SLCO2A1: variants seen among roughly 807,000 people sequenced by gnomAD.
SLCO2A1 encodes the protein matrin F/G 1.
A neutral mutation model predicts 71.7 loss-of-function variants in SLCO2A1; 60 were observed. The ratio of observed to expected loss-of-function variants is 0.84; its 90% CI spans 0.68 to 1.04. SLCO2A1 has a LOEUF of 1.04. Among genes scored for constraint, SLCO2A1 ranks in the 50% least tolerant of loss-of-function variants. The probability of loss-of-function intolerance (pLI) is 0.00; values close to 1 mark genes in which losing one functional copy is unlikely to be tolerated. For missense variants in SLCO2A1, 745 were observed against 813.4 expected (o/e 0.92, Z 1.02); for synonymous variants, 308 against 326.7 (o/e 0.94, Z 0.62).
chr3:133,979,713 T>C (rs1488378345), intron 1 of SLCO2A1, 95 bp from the exon 2 acceptor site: 3 of 1,371,638 alleles, frequency 2.2e-6, no homozygotes, highest in Non-Finnish European at 3.0e-6. Context: ...CTGACCTCTG[T>C]TTCCTCGCCT....
chr3:133,996,518 G>A (rs1427228109), intron 1 of SLCO2A1, among the ~76,000 whole-genome samples: 1 of 152,216 alleles, frequency 6.6e-6, no homozygotes, highest in Non-Finnish European at 1.5e-5. Flanking sequence ...GCTACAGACA[G>A]GCTAGCTTAG....
chr3:133,993,476 G>A (rs2108065755), intron 1 of SLCO2A1, among the ~76,000 whole-genome samples: 1 of 151,602 alleles, frequency 6.6e-6, no homozygotes, highest in East Asian at 1.9e-4. Context: ...AGATACCACA[G>A]ATTGAAAAAA....
rs960540881 is a variant in SLCO2A1, at chr3:133,933,671, C to T, written c.*1042G>A. 2.6e-5 allele frequency: 4 copies of T among 152,236 alleles called. No homozygotes were observed. The highest frequency in any genetic ancestry group is 2.9e-5 in the Non-Finnish European group (2 of 68,070). 9.4% of individuals were successfully genotyped at this position (152,236 alleles called of 1,614,324 possible). On this transcript the variant is annotated 3_prime_UTR_variant, in exon 14 of 14. Transcript: ENST00000310926. Reference sequence around the variant, plus strand: ...GGCTGTTTTGTGGGCCGCAGCTTGCCATCCAGCTTGGTGACAGTGGACATC... The same window carrying T: ...GGCTGTTTTGTGGGCCGCAGCTTGCTATCCAGCTTGGTGACAGTGGACATC...
At chr3:133,949,530 G>C (rs186371145) in intron 6 of SLCO2A1, among the ~76,000 whole-genome samples, 6 of 152,254 alleles carry the variant, frequency 3.9e-5, no homozygotes, top group Admixed American at 3.9e-4. Context: ...TACCTCTTCT[G>C]ACCTTGTCAG....
intron 1 of SLCO2A1, among the ~76,000 whole-genome samples, chr3:134,014,177 T>C (rs1935395420): frequency 1.3e-5 from 2 of 152,158 alleles, no homozygotes; most frequent in African/African-American, 4.8e-5. Flanking sequence ...GTTTGCCACA[T>C]TTCTGAAGGT....
intron 13 of SLCO2A1, among the ~76,000 whole-genome samples, chr3:133,935,354 G>C (rs1933241618): frequency 6.6e-6 from 1 of 152,156 alleles, no homozygotes; most frequent in South Asian, 2.1e-4. Flanking sequence ...GAGGCAGGTT[G>C]GTCCCCCTGC....
intron 1 of SLCO2A1, among the ~76,000 whole-genome samples, chr3:133,994,059 T>C (rs1934908392): frequency 6.6e-6 from 1 of 152,136 alleles, no homozygotes; most frequent in Non-Finnish European, 1.5e-5. Context: ...GGCTGGGTGG[T>C]GGCTGCAGGG....
In SLCO2A1 at chr3:133,935,902, A is replaced by G. The variant is rs773226359; in HGVS notation, c.1691-5T>C. 4.0e-5 allele frequency: 63 copies of G among 1,587,746 alleles called. No individual in the cohort carries two copies. The highest frequency in any genetic ancestry group is 5.1e-5 in the Non-Finnish European group (59 of 1,165,618). On this transcript the variant is annotated splice_polypyrimidine_tract_variant and splice_region_variant and intron_variant, in intron 12 of 13. Transcript: ENST00000310926. ...GGGCTGGAGATGGCAGCCAGGCTGG[A>G]AGAGGGTTCAGAAAGCCCTGGTCAG...
chr3:133,981,115 G>C (rs926347034), intron 1 of SLCO2A1, among the ~76,000 whole-genome samples: 12 of 152,230 alleles, frequency 7.9e-5, no homozygotes, highest in African/African-American at 2.9e-4. Flanking sequence ...CCCAACCCAT[G>C]CCCTGTATGC....
intron 1 of SLCO2A1, among the ~76,000 whole-genome samples, chr3:134,021,805 C>T (rs374982082): frequency 1.4e-4 from 19 of 137,902 alleles, no homozygotes; most frequent in Non-Finnish European, 2.4e-4. Context: ...AAATTTAAAA[C>T]CTATAATTGA....
chr3:133,947,260 GGGGGTAGACTTC>G lies in SLCO2A1; in HGVS notation c.1279_1290del (p.Glu427_Pro430del), dbSNP rs1085307096. The G allele has an allele frequency of 3.6e-5, 58 of 1,613,730 alleles. 1 individual carries two copies. In the East Asian group the frequency reaches 1.3e-3, roughly 36 times the overall value. ...TCTACCCCTTATTCCCATTACCTAGGGGGGTAGACTTCGGCCACAGTTGGGGTGGAGCATCCC... is the reference window on the plus strand; with the variant it reads ...TCTACCCCTTATTCCCATTACCTAGGGGCCACAGTTGGGGTGGAGCATCCC... On this transcript the variant is annotated inframe_deletion, in exon 9 of 14. Transcript: ENST00000310926.
intron 1 of SLCO2A1, among the ~76,000 whole-genome samples, chr3:133,990,269 C>T (rs1934810130): frequency 6.6e-6 from 1 of 152,194 alleles, no homozygotes; most frequent in Non-Finnish European, 1.5e-5. Flanking sequence ...TCATAGTCTC[C>T]CTCCTTCTTC....
intron 10 of SLCO2A1, among the ~76,000 whole-genome samples, chr3:133,944,721 C>A (rs930552473): frequency 6.6e-6 from 1 of 152,210 alleles, no homozygotes; most frequent in Non-Finnish European, 1.5e-5. Context: ...CTAATGCCCT[C>A]GATTTATCTG....
chr3:133,979,428 G>A, intron 2 of SLCO2A1, 53 bp downstream of exon 2: 1 of 1,609,314 alleles, frequency 6.2e-7, no homozygotes, highest in East Asian at 2.2e-5. Context: ...CCTGGATCTT[G>A]TGGTCAGCGT....
chr3:133,962,448 G>GA (rs55876992), intron 3 of SLCO2A1, among the ~76,000 whole-genome samples: 49,945 of 150,724 alleles, frequency 0.33, 8,447 homozygotes, highest in South Asian at 0.43. Context: ...TTTTAAAAAA[G>GA]AAAAAAAAAT....
In SLCO2A1 at chr3:133,942,859, C is replaced by T. The variant is rs148191265; in HGVS notation, c.1462-91G>A. On this transcript the variant is annotated intron_variant, in intron 10 of 13. Transcript: ENST00000310926. The stretch of plus-strand genomic sequence containing the variant: ...CGTCTGCACCAGCTCTTGTTGGAGA[C>T]TGAGGTTTCAACCCTTGTGTCCTCT... 1,362 of 1,362,304 alleles carry T rather than the reference C, an allele frequency of 1.0e-3. 11 individuals carry two copies. The African/African-American group carries it at 0.016, about 16-fold the overall frequency. 84.4% of individuals were successfully genotyped at this position (1,362,304 alleles called of 1,614,324 possible). A position where few individuals can be genotyped will look rare whatever the true frequency, so the allele number is the denominator to read the frequency against.
intron 1 of SLCO2A1, among the ~76,000 whole-genome samples, chr3:133,992,953 A>C (rs530604106): frequency 6.6e-6 from 1 of 152,328 alleles, no homozygotes; most frequent in East Asian, 1.9e-4. Flanking sequence ...GGGTGCTGTC[A>C]TGAGTGCTGT....
At chr3:133,963,086 C>A (rs1043764490) in intron 3 of SLCO2A1, among the ~76,000 whole-genome samples, 1 of 152,174 alleles carries the variant, frequency 6.6e-6, no homozygotes, top group African/African-American at 2.4e-5. Flanking sequence ...CAGGCCGGAC[C>A]TCTTCCCTCC....
At chr3:133,938,867 AAGCAG>A (rs1056512319) in intron 11 of SLCO2A1, among the ~76,000 whole-genome samples, 1 of 152,012 alleles carries the variant, frequency 6.6e-6, no homozygotes, top group Admixed American at 6.5e-5. Context: ...CCCCTTCAAG[AAGCAG>A]AGGGCAGTAG....
Sources: allele counts gnomAD v4.1 joint callset (sites outside exome capture counted in the v4.1 genomes callset), GRCh38; gene constraint gnomAD v4.1.1; transcripts MANE v1.5; gene names NCBI Gene and HGNC (gene_info 2026-07-23, HGNC 2026-07-21).